The following STAM variants were observed in gnomAD, a reference collection of about 807,000 sequenced individuals.
STAM encodes signal transducing adaptor molecule, also known as signal transducing adapter molecule 1.
A neutral mutation model predicts 63.4 loss-of-function variants in STAM; 16 were observed. That is an observed-to-expected ratio of 0.25 (90% CI 0.17 to 0.38). The LOEUF (loss-of-function observed/expected upper bound fraction) is 0.38, where lower values mean the gene tolerates loss of function less well. Ranked by LOEUF, STAM falls within the 10% of genes least tolerant of loss-of-function variation. The pLI is 1.00. For missense variants in STAM, 636 were observed against 657.1 expected, an observed-to-expected ratio of 0.97 and a Z score of 0.35; for synonymous variants, 238 against 223.9, an observed-to-expected ratio of 1.06 and a Z score of -0.56.
Position 17,714,849 on chromosome 10 carries a change from A to T in STAM, c.*69A>T. 7.3e-7 allele frequency: 1 copy of T among 1,375,718 alleles called. No individual in the cohort carries two copies. Among genetic ancestry groups the T allele is most frequent in the Non-Finnish European group, 1.0e-6 (1 of 964,950 alleles). 85.2% of individuals were successfully genotyped at this position (1,375,718 alleles called of 1,614,324 possible). A position where few individuals can be genotyped will look rare whatever the true frequency, so the allele number is the denominator to read the frequency against. ...TGACAATGTTATGAGATTCATTACT[A>T]TCTTAAGATGTGTTTATCCTCAGCT... On this transcript the variant is annotated 3_prime_UTR_variant, in exon 14 of 14. Coordinates refer to ENST00000377524, the MANE Select transcript of STAM (RefSeq NM_003473.4).
chr10:17,648,604 C>G (rs1468595748), intron 1 of STAM, among the ~76,000 whole-genome samples: 6 of 152,180 alleles, frequency 3.9e-5, no homozygotes, highest in African/African-American at 1.4e-4. Flanking sequence ...ACAAACCCAC[C>G]AGAGGGAACA....
intron 1 of STAM, among the ~76,000 whole-genome samples, chr10:17,656,605 T>A (rs1401461143): frequency 2.0e-5 from 3 of 152,216 alleles, no homozygotes; most frequent in Non-Finnish European, 4.4e-5. Flanking sequence ...GGGATGAATC[T>A]TAATTGGTCA....
chr10:17,691,301 G>A (rs998343778), intron 5 of STAM, among the ~76,000 whole-genome samples: 1 of 152,080 alleles, frequency 6.6e-6, no homozygotes, highest in Non-Finnish European at 1.5e-5. Flanking sequence ...GGTGGGTCAC[G>A]AGGTCAGGAG....
chr10:17,695,318 C>A, intron 7 of STAM, 77 bp downstream of exon 7: 2 of 1,325,524 alleles, frequency 1.5e-6, no homozygotes, highest in South Asian at 1.4e-5. Context: ...CTGTTGATTG[C>A]AGTTACCAAA....
intron 1 of STAM, among the ~76,000 whole-genome samples, chr10:17,656,674 C>T (rs1227246427): frequency 3.9e-5 from 6 of 152,172 alleles, no homozygotes; most frequent in South Asian, 2.1e-4. Context: ...TTTTTGTAAT[C>T]GGTGGAAGGT....
At chr10:17,652,918 T>C (rs146242697) in intron 1 of STAM, among the ~76,000 whole-genome samples, 38 of 152,324 alleles carry the variant, frequency 2.5e-4, no homozygotes, top group Admixed American at 1.1e-3. Flanking sequence ...AATTCTCTTA[T>C]AGTGTTGAAT....
At chr10:17,678,952 T>C (rs1273527723) in intron 2 of STAM, among the ~76,000 whole-genome samples, 2 of 152,238 alleles carry the variant, frequency 1.3e-5, no homozygotes, top group Non-Finnish European at 1.5e-5. Context: ...GTATATAGCA[T>C]GTGTCAGAAT....
At chr10:17,661,403 T>C (rs560296080) in intron 2 of STAM, among the ~76,000 whole-genome samples, 1 of 152,340 alleles carries the variant, frequency 6.6e-6, no homozygotes, top group South Asian at 2.1e-4. Context: ...TAAATATAGA[T>C]GTTCCTGAAA....
At chr10:17,675,037 A>T (rs1181975574) in intron 2 of STAM, among the ~76,000 whole-genome samples, 3 of 152,212 alleles carry the variant, frequency 2.0e-5, no homozygotes, top group African/African-American at 7.2e-5. Flanking sequence ...GTGTTGAAAG[A>T]TGTACCCATT....
chr10:17,645,721 A>G (rs1833494076), intron 1 of STAM, among the ~76,000 whole-genome samples: 1 of 152,194 alleles, frequency 6.6e-6, no homozygotes, highest in African/African-American at 2.4e-5. Context: ...AATTGCATTT[A>G]ATTTAATAAG....
At chr10:17,644,891 A>G (rs922645355) in intron 1 of STAM, among the ~76,000 whole-genome samples, 22 of 152,184 alleles carry the variant, frequency 1.4e-4, no homozygotes, top group African/African-American at 4.6e-4. Flanking sequence ...ACTCTCAAAC[A>G]TGTTAGGAGC....
chr10:17,690,943 G>A (rs1554826712), intron 5 of STAM, among the ~76,000 whole-genome samples: 2 of 152,200 alleles, frequency 1.3e-5, no homozygotes, highest in East Asian at 1.9e-4. Flanking sequence ...AGAAACATGC[G>A]GCTTCACATA....
At chr10:17,673,573 C>T (rs1039927268) in intron 2 of STAM, among the ~76,000 whole-genome samples, 3 of 152,158 alleles carry the variant, frequency 2.0e-5, no homozygotes, top group African/African-American at 4.8e-5. Flanking sequence ...TGCCAGAGGG[C>T]ATGGTTAAGG....
intron 1 of STAM, among the ~76,000 whole-genome samples, chr10:17,650,988 C>T (rs1169635516): frequency 1.4e-5 from 2 of 145,302 alleles, no homozygotes; most frequent in Non-Finnish European, 3.0e-5. Flanking sequence ...TAGCGTGAAC[C>T]TGGGAGGCGG....
At chr10:17,654,384 G>T (rs1425045459) in intron 1 of STAM, among the ~76,000 whole-genome samples, 1 of 151,924 alleles carries the variant, frequency 6.6e-6, no homozygotes, top group African/African-American at 2.4e-5. Context: ...CACCAAGCCT[G>T]GCTAATTTTT....
intron 2 of STAM, among the ~76,000 whole-genome samples, chr10:17,681,678 A>T (rs1835092637): frequency 6.6e-6 from 1 of 152,190 alleles, no homozygotes; most frequent in Non-Finnish European, 1.5e-5. Context: ...CTCCCTGTTT[A>T]TGTTATCTGA....
intron 2 of STAM, among the ~76,000 whole-genome samples, chr10:17,684,255 A>G (rs1291465850): frequency 1.3e-5 from 2 of 152,098 alleles, no homozygotes; most frequent in African/African-American, 4.8e-5. Context: ...CTTCTTGGAT[A>G]TTATCATTCA....
At chr10:17,687,914 T>TA in intron 4 of STAM, 113 bp from the exon 5 acceptor site, 1 of 853,790 alleles carries the variant, frequency 1.2e-6, no homozygotes, top group Non-Finnish European at 1.7e-6. Context: ...TCTATAGCTA[T>TA]GCATAACTTG....
At chr10:17,659,612 G>T (rs1554822609) in intron 1 of STAM, among the ~76,000 whole-genome samples, 2 of 151,546 alleles carry the variant, frequency 1.3e-5, no homozygotes, top group East Asian at 1.9e-4. Context: ...GGGAATACAG[G>T]TGCATGCCAC....
Sources: gnomAD v4.1 joint callset for allele counts (sites outside exome capture counted in the v4.1 genomes callset) on GRCh38, gnomAD v4.1.1 for gene constraint, MANE v1.5 for transcripts, NCBI Gene and HGNC (gene_info 2026-07-23, HGNC 2026-07-21) for gene names.